The following KTN1 variants were observed in gnomAD, a reference collection of about 807,000 sequenced individuals.
The protein encoded by KTN1 is kinectin 1.
KTN1 carries 130 observed loss-of-function variants against 222.5 expected under a neutral mutation model. The observed-to-expected ratio is 0.58, with a 90% CI of 0.51 to 0.68. The LOEUF is 0.68. KTN1 is among the 30% of genes least tolerant of loss of function. KTN1 has a pLI of 0.00. For missense variants in KTN1, 1,508 were observed against 1,500.4 expected, an observed-to-expected ratio of 1.01 and a Z score of -0.08; for synonymous variants, 512 against 496.3, an observed-to-expected ratio of 1.03 and a Z score of -0.42.
intron 34 of KTN1, chr14:55,667,681 T>G (rs2044965365): frequency 1.2e-5 from 2 of 160,156 alleles, no homozygotes; most frequent in African/African-American, 4.8e-5. Context: ...TAGCAACACT[T>G]CCTTAATGTA....
intron 28 of KTN1, among the ~76,000 whole-genome samples, chr14:55,655,675 A>G (rs2141165356): frequency 6.6e-6 from 1 of 152,318 alleles, no homozygotes; most frequent in African/African-American, 2.4e-5. Flanking sequence ...TCTCTTCAGT[A>G]CAAAGGTTAG....
intron 34 of KTN1, among the ~76,000 whole-genome samples, chr14:55,669,097 G>T (rs1378899219): frequency 6.6e-6 from 1 of 151,654 alleles, no homozygotes; most frequent in Non-Finnish European, 1.5e-5. Flanking sequence ...ACCTGTTTTT[G>T]TTTCTACTTT....
At chr14:55,636,708 T>A (rs2041165378) in intron 10 of KTN1, among the ~76,000 whole-genome samples, 172 bp downstream of exon 10, 1 of 152,144 alleles carries the variant, frequency 6.6e-6, no homozygotes. Context: ...GGTTTTAAAA[T>A]AAGTTACCTA....
At chr14:55,672,577 A>G (rs2045542724) in intron 37 of KTN1, 53 bp from the exon 38 acceptor site, 1 of 1,052,682 alleles carries the variant, frequency 9.5e-7, no homozygotes, top group Non-Finnish European at 1.5e-6. Flanking sequence ...CAGGATAGAA[A>G]CTGCTATATC....
In KTN1 at chr14:55,616,512, T is replaced by TA; in HGVS notation, c.524-2dup. On this transcript the variant is annotated splice_polypyrimidine_tract_variant and splice_region_variant and intron_variant, in intron 2 of 43. Transcript: ENST00000395314. ...AATTATTTTTTTTGTTTGTGTTTAA[T>TA]AAAGATGACCAGGATAAAAAGGTGG... is the stretch of plus-strand genomic sequence containing the variant. The TA allele has an allele frequency of 6.4e-7, 1 of 1,566,916 alleles. No individual in the cohort carries two copies. The highest frequency in any genetic ancestry group is 8.6e-7 in the Non-Finnish European group (1 of 1,165,616).
In KTN1 at chr14:55,595,648, A is replaced by G. The variant is rs549551682; in HGVS notation, c.-31+15294A>G. Among the ~76,000 whole-genome samples, 8 of 152,272 alleles carry G rather than the reference A, an allele frequency of 5.3e-5. No homozygotes were observed. In the South Asian group the frequency reaches 1.7e-3, roughly 32 times the overall value. ...ATACTTTCTAAACCATTAATTGTCA[A>G]CTTTGGGATATTATTGTTTAACCTT... On this transcript the variant is annotated intron_variant, in intron 1 of 43. Coordinates refer to ENST00000395314, the MANE Select transcript of KTN1 (RefSeq NM_001079521.2).
chr14:55,630,137 A>G (rs1304048933), intron 7 of KTN1, 40 bp downstream of exon 7: 4 of 1,581,212 alleles, frequency 2.5e-6, no homozygotes, highest in South Asian at 1.1e-5. Context: ...AAATGGTTGC[A>G]TTCACTTTAT....
intron 18 of KTN1, among the ~76,000 whole-genome samples, chr14:55,643,137 T>G (rs2041965764): frequency 6.6e-6 from 1 of 152,204 alleles, no homozygotes; most frequent in African/African-American, 2.4e-5. Flanking sequence ...CTTGAACTCC[T>G]GGCCTTAAGT....
At chr14:55,669,395 T>A (rs186343406) in intron 34 of KTN1, among the ~76,000 whole-genome samples, 7 of 152,204 alleles carry the variant, frequency 4.6e-5, no homozygotes, top group Admixed American at 4.6e-4. Context: ...TACTAAACTT[T>A]CTATGTGCTA....
chr14:55,651,658 G>A (rs1021636778), intron 24 of KTN1: 49 of 497,584 alleles, frequency 9.8e-5, no homozygotes, highest in African/African-American at 8.9e-4. Context: ...ACATTAGTTA[G>A]ACTTATTATT....
At chr14:55,580,716 A>C (rs997457800) in intron 1 of KTN1, among the ~76,000 whole-genome samples, 2 of 152,170 alleles carry the variant, frequency 1.3e-5, no homozygotes, top group East Asian at 1.9e-4. Context: ...CCCTGGGGTG[A>C]CCGAGGCACC....
intron 28 of KTN1, 65 bp downstream of exon 28, chr14:55,653,661 T>C: frequency 8.2e-7 from 1 of 1,215,818 alleles, no homozygotes. Context: ...CAGGGTGTGC[T>C]TGAATATAAT....
At chr14:55,653,711 G>C (rs979775841) in intron 28 of KTN1, 115 bp downstream of exon 28, 1 of 724,260 alleles carries the variant, frequency 1.4e-6, no homozygotes, top group Non-Finnish European at 2.3e-6. Flanking sequence ...TTGTTAAGTG[G>C]AAATTATAAT....
Position 55,649,759 on chromosome 14 carries a change from T to G in KTN1, c.2368-17T>G. On this transcript the variant is annotated splice_polypyrimidine_tract_variant and intron_variant, in intron 21 of 43. Transcript: ENST00000395314. ...ATTTTGAACAAATTACTAAGTAGGATACTTTCCTATTTCCAGGTTTCTTTT... is the reference window on the plus strand; with the variant it reads ...ATTTTGAACAAATTACTAAGTAGGAGACTTTCCTATTTCCAGGTTTCTTTT... 1 of 1,430,668 alleles carries G rather than the reference T, an allele frequency of 7.0e-7. No homozygotes were observed. Among genetic ancestry groups the G allele is most frequent in the South Asian group, 1.2e-5 (1 of 83,154 alleles). The allele number at this position is 1,430,668 out of a possible 1,614,324, so 88.6% of individuals were successfully genotyped here.
intron 43 of KTN1, chr14:55,680,676 C>G: frequency 7.3e-7 from 1 of 1,363,938 alleles, no homozygotes; most frequent in South Asian, 1.1e-5. Context: ...AGCGTTTTGT[C>G]TCACTTTAGA....
chr14:55,602,769 C>G (rs564155757), intron 1 of KTN1, among the ~76,000 whole-genome samples: 6 of 152,078 alleles, frequency 3.9e-5, no homozygotes, highest in Non-Finnish European at 5.9e-5. Context: ...TTTGTAGAGA[C>G]AGGGTTCTGC....
chr14:55,644,256 A>G (rs988877195), intron 18 of KTN1: 6 of 538,076 alleles, frequency 1.1e-5, no homozygotes, highest in East Asian at 3.0e-5. Flanking sequence ...ACCCCTTTCT[A>G]TCCCACAGTC....
At chr14:55,595,585 TAGTA>T (rs1383859906) in intron 1 of KTN1, among the ~76,000 whole-genome samples, 1 of 152,244 alleles carries the variant, frequency 6.6e-6, no homozygotes, top group Non-Finnish European at 1.5e-5. Context: ...ATTAAAATGT[TAGTA>T]AGGTCAGGCT....
chr14:55,637,514 T>G, intron 11 of KTN1, 150 bp downstream of exon 11: 1 of 686,750 alleles, frequency 1.5e-6, no homozygotes, highest in Non-Finnish European at 2.4e-6. Context: ...CTTGTCACAA[T>G]ATGGTGTGTT....
Sources: allele counts gnomAD v4.1 joint callset (sites outside exome capture counted in the v4.1 genomes callset), GRCh38; gene constraint gnomAD v4.1.1; transcripts MANE v1.5; gene names NCBI Gene and HGNC (gene_info 2026-07-23, HGNC 2026-07-21).